Variants in MGMT observed in about 807,000 individuals in gnomAD.
MGMT encodes O-6-methylguanine-DNA methyltransferase.
In MGMT, 14 loss-of-function variants were observed where a neutral mutation model predicts 15.9. That is an observed-to-expected ratio of 0.88 (90% CI 0.58 to 1.37). The LOEUF (loss-of-function observed/expected upper bound fraction) is 1.37. Among genes scored for constraint, MGMT ranks in the 40% most tolerant of loss-of-function variants. The pLI is 0.00. For missense variants in MGMT, 282 were observed against 268.1 expected (o/e 1.05, Z -0.36); for synonymous variants, 130 against 118.2 (o/e 1.10, Z -0.65).
intron 2 of MGMT, among the ~76,000 whole-genome samples, chr10:129,620,234 CTG>C (rs1564739322): frequency 6.6e-6 from 1 of 152,178 alleles, no homozygotes; most frequent in Admixed American, 6.5e-5. Flanking sequence ...TAATATCACT[CTG>C]TTAAATATTT....
intron 1 of MGMT, among the ~76,000 whole-genome samples, chr10:129,483,307 TA>T (rs1845377587): frequency 6.6e-6 from 1 of 152,228 alleles, no homozygotes; most frequent in Non-Finnish European, 1.5e-5. Context: ...TAAAGAGATT[TA>T]AAAAATCCAG....
At chr10:129,692,172 T>C (rs1305890774) in intron 2 of MGMT, among the ~76,000 whole-genome samples, 1 of 152,136 alleles carries the variant, frequency 6.6e-6, no homozygotes, top group Non-Finnish European at 1.5e-5. Flanking sequence ...GCAGAGGAGA[T>C]GATACAGACT....
intron 2 of MGMT, among the ~76,000 whole-genome samples, chr10:129,693,323 G>T (rs1391018541): frequency 6.6e-6 from 1 of 152,186 alleles, no homozygotes; most frequent in Admixed American, 6.5e-5. Context: ...ATATTAATTT[G>T]CAATTGAAAG....
At position 129,520,158 on chromosome 10, in the gene MGMT, C is replaced by A. The variant is rs1845787236; in HGVS notation, c.-12-16083C>A. Among the ~76,000 whole-genome samples the A allele has an allele frequency of 2.0e-5, 3 of 152,174 alleles. No individual in the cohort carries two copies. The South Asian group carries it at 6.2e-4, about 32-fold the overall frequency. On this transcript the variant is annotated intron_variant, in intron 1 of 4. Coordinates refer to ENST00000651593, the MANE Select transcript of MGMT (RefSeq NM_002412.5). ...GTGGGCAGAAAAAGATGGGATCAGA[C>A]AAAACAGATGCTTTCAGGATCCTTC...
rs569235974 is a variant in MGMT, at chr10:129,768,557, G to A, written c.*1560G>A. On this transcript the variant is annotated 3_prime_UTR_variant, in exon 5 of 5. Coordinates refer to ENST00000651593, the MANE Select transcript of MGMT (RefSeq NM_002412.5). ...GGGTGCACTCTGCCCCAAAGGTGGTGCCCTGTGTCCCCCACAGATGATGGC... is the reference window on the plus strand; with the variant it reads ...GGGTGCACTCTGCCCCAAAGGTGGTACCCTGTGTCCCCCACAGATGATGGC... Among the ~76,000 whole-genome samples the A allele has an allele frequency of 3.3e-5, 5 of 152,248 alleles. No homozygotes were observed. The highest frequency in any genetic ancestry group is 1.2e-4 in the African/African-American group (5 of 41,474).
At chr10:129,582,004 T>G (rs915126527) in intron 2 of MGMT, among the ~76,000 whole-genome samples, 5 of 152,176 alleles carry the variant, frequency 3.3e-5, no homozygotes, top group African/African-American at 1.2e-4. Context: ...GTCCAGGGTG[T>G]GCGAGCCACG....
chr10:129,634,973 G>T (rs1272517509), intron 2 of MGMT, among the ~76,000 whole-genome samples: 1 of 152,230 alleles, frequency 6.6e-6, no homozygotes, highest in African/African-American at 2.4e-5. Flanking sequence ...TACAGTCACA[G>T]TTAAATTACT....
chr10:129,544,547 C>T (rs1351144568), intron 2 of MGMT, among the ~76,000 whole-genome samples: 1 of 152,220 alleles, frequency 6.6e-6, no homozygotes, highest in Admixed American at 6.5e-5. Context: ...TGACAGTGTC[C>T]TTTCTCGATG....
intron 3 of MGMT, among the ~76,000 whole-genome samples, chr10:129,735,260 G>A (rs1442911007): frequency 2.0e-5 from 3 of 152,152 alleles, no homozygotes; most frequent in Non-Finnish European, 4.4e-5. Flanking sequence ...TCTATTCAGA[G>A]ATTCAACTTC....
chr10:129,768,338 C>T lies in MGMT; in HGVS notation c.*1341C>T, dbSNP rs1246921318. ...ACATGAAGTGATGTGACTCTTACCC[C>T]GTTGTCTTAACTCTTGGTATTTTTG... is the stretch of plus-strand genomic sequence containing the variant. On this transcript the variant is annotated 3_prime_UTR_variant, in exon 5 of 5. Coordinates refer to ENST00000651593, the MANE Select transcript of MGMT (RefSeq NM_002412.5). Among the ~76,000 whole-genome samples, 1 of 152,268 alleles carries T rather than the reference C, an allele frequency of 6.6e-6. No individual in the cohort carries two copies. Among genetic ancestry groups the T allele is most frequent in the Non-Finnish European group, 1.5e-5 (1 of 68,054 alleles).
chr10:129,622,909 C>T (rs1227816281), intron 2 of MGMT, among the ~76,000 whole-genome samples: 1 of 152,156 alleles, frequency 6.6e-6, no homozygotes, highest in African/African-American at 2.4e-5. Context: ...ATGCATGGAG[C>T]CCCGTTTCGT....
chr10:129,687,351 G>A (rs1847916280), intron 2 of MGMT, among the ~76,000 whole-genome samples: 1 of 151,664 alleles, frequency 6.6e-6, no homozygotes, highest in Admixed American at 6.6e-5. Flanking sequence ...ATCACCCAAA[G>A]TTCTTTGTCT....
chr10:129,592,400 A>G (rs1846697288), intron 2 of MGMT, among the ~76,000 whole-genome samples: 1 of 152,212 alleles, frequency 6.6e-6, no homozygotes, highest in South Asian at 2.1e-4. Flanking sequence ...GAATTTCGGT[A>G]GTGTGCTGTG....
chr10:129,735,889 C>T (rs1848554726), intron 3 of MGMT, among the ~76,000 whole-genome samples: 1 of 48,114 alleles, frequency 2.1e-5, no homozygotes, highest in Non-Finnish European at 3.7e-5. Context: ...GATTCTTAAT[C>T]CTGAGTTCTA....
At chr10:129,741,791 G>C (rs549180944) in intron 3 of MGMT, among the ~76,000 whole-genome samples, 4 of 152,196 alleles carry the variant, frequency 2.6e-5, no homozygotes, top group Admixed American at 1.3e-4. Context: ...ATCCAGAGCA[G>C]AGCTGCAGAA....
intron 2 of MGMT, among the ~76,000 whole-genome samples, chr10:129,641,754 A>G (rs1344945000): frequency 3.3e-5 from 5 of 152,308 alleles, no homozygotes; most frequent in African/African-American, 1.2e-4. Flanking sequence ...AGCCTGTGTC[A>G]TACGTACTCA....
chr10:129,728,496 T>C (rs1363165828), intron 3 of MGMT, among the ~76,000 whole-genome samples: 1 of 152,104 alleles, frequency 6.6e-6, no homozygotes, highest in African/African-American at 2.4e-5. Context: ...GACCTGATTA[T>C]GCCATCCTCA....
chr10:129,505,365 A>G (rs1845615037), intron 1 of MGMT, among the ~76,000 whole-genome samples: 1 of 152,200 alleles, frequency 6.6e-6, no homozygotes. Flanking sequence ...GTGTGAAGTT[A>G]CATGTTAAAA....
intron 1 of MGMT, among the ~76,000 whole-genome samples, chr10:129,517,051 A>T (rs781391428): frequency 6.6e-6 from 1 of 152,212 alleles, no homozygotes; most frequent in Non-Finnish European, 1.5e-5. Flanking sequence ...CTGTCTGCGC[A>T]TCCGTCCCTC....
Sources: gnomAD v4.1 joint callset for allele counts (sites outside exome capture counted in the v4.1 genomes callset) on GRCh38, gnomAD v4.1.1 for gene constraint, MANE v1.5 for transcripts, NCBI Gene and HGNC (gene_info 2026-07-23, HGNC 2026-07-21) for gene names.